The following SEMA5A variants were observed in gnomAD, a reference collection of about 807,000 sequenced individuals.
The protein encoded by SEMA5A is semaphorin-5A.
In SEMA5A, 55 loss-of-function variants were observed where a neutral mutation model predicts 135.5. That is an observed-to-expected ratio of 0.41 (90% CI 0.33 to 0.51). The LOEUF (loss-of-function observed/expected upper bound fraction) is 0.51, where lower values mean the gene tolerates loss of function less well. Among genes scored for constraint, SEMA5A ranks in the 20% least tolerant of loss-of-function variants. The probability of loss-of-function intolerance (pLI) is 0.37; values close to 1 mark genes in which losing one functional copy is unlikely to be tolerated. For synonymous variants in SEMA5A, 580 were observed against 546.5 expected (o/e 1.06, Z -0.85); for missense variants, 1,290 against 1,419.9 (o/e 0.91, Z 1.47).
intron 11 of SEMA5A, among the ~76,000 whole-genome samples, chr5:9,169,106 T>A (rs11746238): frequency 6.6e-6 from 1 of 151,988 alleles, no homozygotes; most frequent in African/African-American, 2.4e-5. Context: ...ATGCTGTACT[T>A]TACAGTTGAA....
chr5:9,295,855 T>G (rs554298600), intron 5 of SEMA5A, among the ~76,000 whole-genome samples: 1 of 152,226 alleles, frequency 6.6e-6, no homozygotes, highest in Non-Finnish European at 1.5e-5. Flanking sequence ...CCTCTTTATT[T>G]TGTTATATAT....
chr5:9,062,778 C>A lies in SEMA5A; in HGVS notation c.2518+109G>T, dbSNP rs1737253282. 9.7e-6 allele frequency: 11 copies of A among 1,133,134 alleles called. 1 individual carries two copies. The South Asian group carries it at 1.5e-4, about 16-fold the overall frequency. The allele number at this position is 1,133,134 out of a possible 1,614,324, so 70.2% of individuals were successfully genotyped here. The stretch of plus-strand genomic sequence containing the variant: ...GCATAGCCAAGACATTTATTAAGAA[C>A]ACAGATCTCAAACACGAAGCCAGGG... On this transcript the variant is annotated intron_variant, in intron 18 of 22. Transcript: ENST00000382496.
intron 5 of SEMA5A, among the ~76,000 whole-genome samples, chr5:9,266,052 C>G (rs535035501): frequency 6.6e-6 from 1 of 152,346 alleles, no homozygotes; most frequent in African/African-American, 2.4e-5. Context: ...ATTTCCCAAT[C>G]TGTTTGTGAA....
At chr5:9,061,963 G>C (rs576907527) in intron 18 of SEMA5A, among the ~76,000 whole-genome samples, 5 of 152,170 alleles carry the variant, frequency 3.3e-5, no homozygotes, top group South Asian at 2.1e-4. Context: ...GAGGCCATGT[G>C]GGGGAGGGCT....
intron 13 of SEMA5A, among the ~76,000 whole-genome samples, chr5:9,126,372 T>C (rs938319675): frequency 1.3e-5 from 2 of 151,930 alleles, no homozygotes; most frequent in Non-Finnish European, 2.9e-5. Context: ...GGATCGGACA[T>C]TGGATGTGAG....
At chr5:9,253,010 C>A (rs1282759650) in intron 5 of SEMA5A, among the ~76,000 whole-genome samples, 1 of 152,172 alleles carries the variant, frequency 6.6e-6, no homozygotes, top group African/African-American at 2.4e-5. Context: ...GGAGTATCCA[C>A]CTCATTAGAG....
chr5:9,094,881 G>A (rs1157446114), intron 16 of SEMA5A, among the ~76,000 whole-genome samples: 1 of 152,122 alleles, frequency 6.6e-6, no homozygotes, highest in African/African-American at 2.4e-5. Context: ...CTGTAGGAAT[G>A]TGACATGGAA....
chr5:9,062,196 A>G (rs1040679025), intron 18 of SEMA5A, among the ~76,000 whole-genome samples: 140 of 152,034 alleles, frequency 9.2e-4, no homozygotes, highest in Middle Eastern at 3.4e-3. Flanking sequence ...TCTTTCCCCA[A>G]TGCATTAGGG....
intron 3 of SEMA5A, among the ~76,000 whole-genome samples, chr5:9,356,042 A>G (rs1025176086): frequency 2.0e-5 from 3 of 152,138 alleles, no homozygotes; most frequent in Admixed American, 1.3e-4. Context: ...GGACTTCCCA[A>G]TTGGATTCTG....
At chr5:9,109,345 T>C (rs574385724) in intron 15 of SEMA5A, among the ~76,000 whole-genome samples, 1 of 152,298 alleles carries the variant, frequency 6.6e-6, no homozygotes, top group East Asian at 1.9e-4. Context: ...CAGCCTTCTC[T>C]TCAATTTTTA....
intron 11 of SEMA5A, among the ~76,000 whole-genome samples, chr5:9,157,090 G>A (rs988592): frequency 1.4e-4 from 22 of 152,170 alleles, no homozygotes; most frequent in East Asian, 1.9e-4. Context: ...ATGGATGACC[G>A]TGCATCCTTC....
chr5:9,296,052 G>A (rs1448130446), intron 5 of SEMA5A, among the ~76,000 whole-genome samples: 1 of 152,094 alleles, frequency 6.6e-6, no homozygotes, highest in Non-Finnish European at 1.5e-5. Flanking sequence ...CAACTAAGGG[G>A]TATTTTAATG....
At chr5:9,334,327 C>G (rs968770801) in intron 4 of SEMA5A, among the ~76,000 whole-genome samples, 5 of 152,148 alleles carry the variant, frequency 3.3e-5, no homozygotes, top group African/African-American at 9.7e-5. Flanking sequence ...TCAAGCTTTG[C>G]CAAACAGGAA....
chr5:9,369,568 A>AT (rs1755051157), intron 3 of SEMA5A, among the ~76,000 whole-genome samples: 1 of 152,062 alleles, frequency 6.6e-6, no homozygotes, highest in Non-Finnish European at 1.5e-5. Context: ...GAGATATACC[A>AT]TTTTTCCAGT....
At chr5:9,457,621 A>G (rs268541) in intron 1 of SEMA5A, among the ~76,000 whole-genome samples, 6,765 of 152,248 alleles carry the variant, frequency 0.044, 260 homozygotes, top group African/African-American at 0.11. Flanking sequence ...TATAAAAAAT[A>G]AGGTATGTTA....
chr5:9,109,998 G>A (rs1740152524), intron 15 of SEMA5A, among the ~76,000 whole-genome samples: 1 of 152,098 alleles, frequency 6.6e-6, no homozygotes, highest in Non-Finnish European at 1.5e-5. Context: ...TCAGGAACAG[G>A]GACAATGTGA....
intron 2 of SEMA5A, among the ~76,000 whole-genome samples, chr5:9,426,888 CT>C (rs1757680902): frequency 6.6e-6 from 1 of 152,158 alleles, no homozygotes; most frequent in African/African-American, 2.4e-5. Context: ...TCATAATTCA[CT>C]TTTTTATTGT....
Position 9,335,953 on chromosome 5 carries a change from G to A in SEMA5A, c.224+1760C>T, listed in dbSNP as rs114013860. On this transcript the variant is annotated intron_variant, in intron 4 of 22. Transcript: ENST00000382496. ...TGGTAAGTCACCATCTGATAAGGGT[G>A]ACTTGTCAAGAAATAATGCAATATT... Among the ~76,000 whole-genome samples the A allele has an allele frequency of 3.8e-3, 578 of 152,094 alleles. 3 individuals are homozygous for A. The highest frequency in any genetic ancestry group is 0.012 in the African/African-American group (506 of 41,468).
chr5:9,501,121 C>T (rs530422846), intron 1 of SEMA5A, among the ~76,000 whole-genome samples: 4 of 152,230 alleles, frequency 2.6e-5, no homozygotes, highest in African/African-American at 9.6e-5. Flanking sequence ...GAAGAATCAA[C>T]AATATTCTGA....
Sources: gnomAD v4.1 joint callset for allele counts (sites outside exome capture counted in the v4.1 genomes callset) on GRCh38, gnomAD v4.1.1 for gene constraint, MANE v1.5 for transcripts, NCBI Gene and HGNC (gene_info 2026-07-23, HGNC 2026-07-21) for gene names.